ATG9B: variants seen among roughly 807,000 people sequenced by gnomAD.
The protein encoded by ATG9B is autophagy-related protein 9B.
In ATG9B, 92 loss-of-function variants were observed where a neutral mutation model predicts 92.9. The ratio of observed to expected loss-of-function variants is 0.99; its 90% CI spans 0.84 to 1.18. The LOEUF (loss-of-function observed/expected upper bound fraction) is 1.18, where lower values mean the gene tolerates loss of function less well. Among genes scored for constraint, ATG9B ranks in the 50% most tolerant of loss-of-function variants. The pLI, the probability that ATG9B is intolerant of heterozygous loss-of-function variation, is 0.00. For synonymous variants in ATG9B, 599 were observed against 551.4 expected (o/e 1.09, Z -1.21); for missense variants, 1,344 against 1,235.0 (o/e 1.09, Z -1.32).
chr7:151,013,485 C>T, downstream of ATG9B: 2 of 1,408,414 alleles, frequency 1.4e-6, no homozygotes, highest in East Asian at 2.4e-5. Context: ...TGGCCTCCCA[C>T]GACCACTCAG....
intron 8 of ATG9B, 126 bp from the exon 9 acceptor site, chr7:151,017,398 A>G: frequency 1.1e-6 from 1 of 915,668 alleles, no homozygotes; most frequent in Non-Finnish European, 1.6e-6. Context: ...GTTCACCATC[A>G]CCCAAAAATA....
chr7:151,014,314 C>A, downstream of ATG9B: 1 of 909,636 alleles, frequency 1.1e-6, no homozygotes, highest in Non-Finnish European at 1.6e-6. Context: ...CATTATTCCT[C>A]CAGGAAGGAG....
chr7:151,024,314 G>A lies in ATG9B; in HGVS notation c.110C>T (p.Pro37Leu). The change falls in exon 1 of 14, where the codon CCT (proline) becomes CTT (leucine). Residue 37 changes from proline to leucine, a missense_variant. By Grantham distance (98) the Pro-to-Leu change is moderately conservative. Coordinates refer to ENST00000639579, the MANE Select transcript of ATG9B (RefSeq NM_001317056.2). Reference sequence around the variant, plus strand: ...TCCCCCAGGTCCCCGGCATGAAGGAGGAGGAGGAGGTGGCAGTGGCATGGG... The same window carrying A: ...TCCCCCAGGTCCCCGGCATGAAGGAAGAGGAGGAGGTGGCAGTGGCATGGG... ...LLPMPLPPPP[P>L]PSCRGPGGGR... 7.0e-7 allele frequency: 1 copy of A among 1,431,428 alleles called. No homozygotes were observed. The highest frequency in any genetic ancestry group is 9.2e-7 in the Non-Finnish European group (1 of 1,088,958). The allele number at this position is 1,431,428 out of a possible 1,614,324, so 88.7% of individuals were successfully genotyped here. A position where few individuals can be genotyped will look rare whatever the true frequency, so the allele number is the denominator to read the frequency against.
chr7:151,023,644 G>A (rs1481506208), intron 2 of ATG9B, 43 bp downstream of exon 2: 2 of 1,612,588 alleles, frequency 1.2e-6, no homozygotes, highest in African/African-American at 1.3e-5. Context: ...AGCTCCAAGA[G>A]GACCTTCCCA....
Position 151,016,526 on chromosome 7 carries a change from A to T in ATG9B, c.2425T>A (p.Ser809Thr). ...CCCCCAGTGCCTCCTGGGGACACAG[A>T]GCTGGAACATAACATGAAGCAGGTC... ...SISRIAQDPSSVSPGGTGGQK... is the reference protein window; with the variant it reads ...SISRIAQDPSTVSPGGTGGQK... Residue 809 changes from serine (S) to threonine (T), a missense_variant and splice_region_variant, in exon 11 of 14, where the codon TCT (serine) becomes ACT (threonine). By Grantham distance (58) the Ser-to-Thr change is moderately conservative. Transcript: ENST00000639579. 1 of 1,550,640 alleles carries T rather than the reference A, an allele frequency of 6.4e-7. No individual in the cohort carries two copies. The highest frequency in any genetic ancestry group is 8.7e-7 in the Non-Finnish European group (1 of 1,146,836).
At chr7:151,013,212 A>G (rs1406511723), downstream of ATG9B, 2 of 1,604,476 alleles carry the variant, frequency 1.2e-6, no homozygotes, top group Non-Finnish European at 1.7e-6. Context: ...AGCCTTCCCA[A>G]GCGCGGGGTT....
intron 1 of ATG9B, 21 bp downstream of exon 1, chr7:151,023,853 C>T: frequency 6.2e-7 from 1 of 1,609,808 alleles, no homozygotes; most frequent in Non-Finnish European, 8.5e-7. Context: ...AACCCTCTCC[C>T]ACCCACACCC....
chr7:151,015,758 T>G (rs983752470), intron 13 of ATG9B, 45 bp from the exon 14 acceptor site: 1 of 1,334,412 alleles, frequency 7.5e-7, no homozygotes, highest in Non-Finnish European at 1.0e-6. Context: ...GGGGTCTAGA[T>G]TCCAGAGATG....
chr7:151,015,751 G>T, intron 13 of ATG9B, 38 bp from the exon 14 acceptor site: 2 of 1,291,090 alleles, frequency 1.5e-6, no homozygotes, highest in Non-Finnish European at 2.1e-6. Context: ...CAGTCCAGGG[G>T]TCTAGATTCC....
At chr7:151,012,343 C>T (rs1317770860), downstream of ATG9B, 4 of 1,549,852 alleles carry the variant, frequency 2.6e-6, no homozygotes, top group East Asian at 4.8e-5. Context: ...GAGTGTCTCT[C>T]CTGCCAGGGC....
At position 151,016,768 on chromosome 7, in the gene ATG9B, A is replaced by G. The variant is rs774782404; in HGVS notation, c.2343T>C (p.Asp781=). The part of the protein sequence containing the change: ...LFVHPLLPPR[D]LSPTAPCPAA... Reference sequence around the variant, plus strand: ...CTGGACAGGGGGCTGTCGGGCTCAGATCTCTCGGAGGCAGGAGAGGGTGCA... The same window carrying G: ...CTGGACAGGGGGCTGTCGGGCTCAGGTCTCTCGGAGGCAGGAGAGGGTGCA... Residue 781 remains aspartate, a synonymous_variant, in exon 10 of 14, where the codon GAT becomes GAC. Transcript: ENST00000639579. 1.1e-5 allele frequency: 17 copies of G among 1,612,690 alleles called. 1 individual carries two copies. The highest frequency in any genetic ancestry group is 1.7e-4 in the Middle Eastern group (1 of 5,942).
At chr7:151,022,473 A>G (rs1213356974) in intron 4 of ATG9B, among the ~76,000 whole-genome samples, 5 of 151,044 alleles carry the variant, frequency 3.3e-5, no homozygotes, top group Non-Finnish European at 5.9e-5. Flanking sequence ...GTGGATAGAT[A>G]CGACTCCCAT....
chr7:151,018,435 C>G lies in ATG9B; in HGVS notation c.1731G>C (p.Pro577=). ...VTATVARSFI[P]EEQCQGRAPQ... The stretch of plus-strand genomic sequence containing the variant: ...GCGCACGACCCTGGCACTGCTCTTC[C>G]GGAATGAAAGACCTGAAAGGCGGGA... The change falls in exon 7 of 14, where the codon CCG becomes CCC. Residue 577 remains proline (P), a synonymous_variant. Coordinates refer to ENST00000639579, the MANE Select transcript of ATG9B (RefSeq NM_001317056.2). This position sits in a 1 kb window ranked among gnomAD's most constrained non-coding sequence, Gnocchi z 4.7. 6.5e-7 allele frequency: 1 copy of G among 1,526,976 alleles called. No individual in the cohort carries two copies. Among genetic ancestry groups the G allele is most frequent in the Non-Finnish European group, 8.8e-7 (1 of 1,138,146 alleles). 94.6% of individuals were successfully genotyped at this position (1,526,976 alleles called of 1,614,324 possible).
chr7:151,018,719 G>C lies in ATG9B; in HGVS notation c.1619C>G (p.Ala540Gly). The C allele has an allele frequency of 6.3e-7, 1 of 1,596,124 alleles. No individual in the cohort carries two copies. Among genetic ancestry groups the C allele is most frequent in the Non-Finnish European group, 8.5e-7 (1 of 1,174,278 alleles). Reference protein sequence around the residue: ...QLVFFAGALFAALLVLTVYDE... With the variant: ...QLVFFAGALFGALLVLTVYDE... The stretch of plus-strand genomic sequence containing the variant: ...GTAGACGGTGAGCACAAGCAGCGCG[G>C]CGAAGAGTGCACCCGCGAAGAAAAC... Residue 540 changes from alanine (A) to glycine (G), a missense_variant, in exon 6 of 14, where the codon GCC becomes GGC. Ala to Gly is a moderately conservative substitution (Grantham distance 60). Coordinates refer to ENST00000639579, the MANE Select transcript of ATG9B (RefSeq NM_001317056.2). The surrounding 1 kb of genome is among the most constrained non-coding windows in gnomAD (Gnocchi z 4.7).
rs899835780 is a variant in ATG9B at position 151,020,915 on chromosome 7, C to T, written c.963+273G>A. 1.8e-5 allele frequency: 6 copies of T among 331,286 alleles called. No homozygotes were observed. The South Asian group carries it at 3.4e-4, about 19-fold the overall frequency. 20.5% of individuals were successfully genotyped at this position (331,286 alleles called of 1,614,324 possible). Reference sequence around the variant, plus strand: ...CAGATAACTGCCCTTTCTCTTTTCTCTAATCAATGTTTTTAGCACAAACAT... The same window carrying T: ...CAGATAACTGCCCTTTCTCTTTTCTTTAATCAATGTTTTTAGCACAAACAT... On this transcript the variant is annotated intron_variant, in intron 5 of 13. Transcript: ENST00000639579.
chr7:151,012,211 GTTTTT>G, downstream of ATG9B: 4 of 689,918 alleles, frequency 5.8e-6, no homozygotes, highest in East Asian at 2.8e-5. Flanking sequence ...AAGTAGAGTT[GTTTTT>G]TGTTTTTTGT....
At chr7:151,017,682 T>C (rs1795557210) in intron 8 of ATG9B, among the ~76,000 whole-genome samples, 189 bp downstream of exon 8, 1 of 152,234 alleles carries the variant, frequency 6.6e-6, no homozygotes, top group African/African-American at 2.4e-5. Flanking sequence ...GCCTTGGCTG[T>C]GCTCTGGAGA....
rs370113347 is a variant in ATG9B, at chr7:151,024,207, G to T, written c.217C>A (p.Pro73Thr). 19 of 1,495,938 alleles carry T rather than the reference G, an allele frequency of 1.3e-5. No homozygotes were observed. Among genetic ancestry groups the T allele is most frequent in the Non-Finnish European group, 1.6e-5 (18 of 1,121,432 alleles). 92.7% of individuals were successfully genotyped at this position (1,495,938 alleles called of 1,614,324 possible). ...GTCCCCTGTAGCACTGAGCAAGGGG[G>T]CCCTGCGGTGGGAGGGGAAAATGAG... ...PSSFSPPTAGPPCSVLQGTGA... is the reference protein window; with the variant it reads ...PSSFSPPTAGTPCSVLQGTGA... Residue 73 changes from proline (P) to threonine (T), a missense_variant, in exon 1 of 14, where the codon CCC becomes ACC. Physicochemically the swap from Pro to Thr is conservative, Grantham distance 38. Transcript: ENST00000639579.
chr7:151,022,591 G>A (rs1239821370), intron 4 of ATG9B, among the ~76,000 whole-genome samples: 1 of 151,324 alleles, frequency 6.6e-6, no homozygotes, highest in African/African-American at 2.4e-5. Context: ...GCTCACACCT[G>A]TAATCCCAGC....
Sources: gnomAD v4.1 joint callset for allele counts (sites outside exome capture counted in the v4.1 genomes callset) on GRCh38, gnomAD v4.1.1 for gene constraint, Gnocchi (gnomAD v3.1) non-coding constraint, MANE v1.5 for transcripts, NCBI Gene and HGNC (gene_info 2026-07-23, HGNC 2026-07-21) for gene names.